The following PRKG1 variants were observed in gnomAD, a reference collection of about 807,000 sequenced individuals.
PRKG1 encodes the protein cGMP-dependent protein kinase 1.
PRKG1 carries 35 observed loss-of-function variants against 88.1 expected under a neutral mutation model. The observed-to-expected ratio is 0.40, with a 90% CI of 0.30 to 0.53. The LOEUF (loss-of-function observed/expected upper bound fraction) is 0.53, where lower values mean the gene tolerates loss of function less well. Among genes scored for constraint, PRKG1 ranks in the 20% least tolerant of loss-of-function variants. PRKG1 has a pLI of 0.59. For synonymous variants in PRKG1, 303 were observed against 292.5 expected (o/e 1.04, Z -0.37); for missense variants, 540 against 839.8 (o/e 0.64, Z 4.41).
chr10:51,952,055 A>G (rs1266177133), intron 5 of PRKG1, among the ~76,000 whole-genome samples: 1 of 152,188 alleles, frequency 6.6e-6, no homozygotes, highest in Non-Finnish European at 1.5e-5. Flanking sequence ...AGAGATGACT[A>G]TTTACAACAG....
chr10:52,040,049 A>G (rs894347349), intron 5 of PRKG1, among the ~76,000 whole-genome samples: 8 of 152,148 alleles, frequency 5.3e-5, no homozygotes, highest in African/African-American at 1.9e-4. Flanking sequence ...CATGTAATTT[A>G]ATTCTCTCTT....
At chr10:51,545,210 T>C (rs925254459) in intron 3 of PRKG1, among the ~76,000 whole-genome samples, 3 of 152,038 alleles carry the variant, frequency 2.0e-5, no homozygotes, top group South Asian at 2.1e-4. Context: ...AATGTCATCC[T>C]CCCCTTCCCC....
chr10:51,723,855 T>C (rs1006474253), intron 3 of PRKG1, among the ~76,000 whole-genome samples: 3 of 152,222 alleles, frequency 2.0e-5, no homozygotes, highest in African/African-American at 7.2e-5. Flanking sequence ...AGTTGGATCA[T>C]GTTAGGTGAA....
chr10:51,451,172 T>C lies in PRKG1; in HGVS notation c.479-16551T>C, dbSNP rs190389765. Among the ~76,000 whole-genome samples, 225 of 152,010 alleles carry C rather than the reference T, an allele frequency of 1.5e-3. 1 individual carries two copies. Among genetic ancestry groups the C allele is most frequent in the Non-Finnish European group, 2.2e-3 (150 of 67,880 alleles). On this transcript the variant is annotated intron_variant, in intron 2 of 17. Transcript: ENST00000373980. ...ATAGGTGTTATTTCTATTTAACACA[T>C]TAAATAATAAGACCTAACAGTATGT...
chr10:51,322,119 C>T (rs951273107), intron 2 of PRKG1, among the ~76,000 whole-genome samples: 2 of 152,162 alleles, frequency 1.3e-5, no homozygotes, highest in African/African-American at 4.8e-5. Flanking sequence ...TTTCCACCTT[C>T]CCATTCCCAG....
chr10:52,003,666 T>C (rs996270480), intron 5 of PRKG1, among the ~76,000 whole-genome samples: 1 of 152,184 alleles, frequency 6.6e-6, no homozygotes, highest in African/African-American at 2.4e-5. Context: ...AATATCCGTC[T>C]GGGGAAGCTA....
intron 3 of PRKG1, among the ~76,000 whole-genome samples, chr10:51,660,237 A>G: frequency 6.6e-6 from 1 of 151,996 alleles, no homozygotes; most frequent in Non-Finnish European, 1.5e-5. Context: ...AATAATCATT[A>G]TCAGAATCAT....
At chr10:51,505,845 T>G (rs188191670) in intron 3 of PRKG1, among the ~76,000 whole-genome samples, 2,743 of 152,062 alleles carry the variant, frequency 0.018, 41 homozygotes, top group Non-Finnish European at 0.031. Context: ...ATTGCGTCTA[T>G]TTGATTCTTC....
At chr10:51,274,885 T>C (rs12217532) in intron 2 of PRKG1, among the ~76,000 whole-genome samples, 33,874 of 152,142 alleles carry the variant, frequency 0.22, 3,973 homozygotes, top group Admixed American at 0.36. Context: ...TACAAACACA[T>C]GGAGGATGGA....
intron 3 of PRKG1, chr10:51,695,890 A>G (rs1841278222): frequency 6.6e-6 from 1 of 152,166 alleles, no homozygotes; most frequent in Non-Finnish European, 1.5e-5. Flanking sequence ...GTAACTAGAT[A>G]TTGGTTTTTC....
intron 2 of PRKG1, among the ~76,000 whole-genome samples, chr10:51,387,042 A>G (rs915273314): frequency 2.0e-5 from 3 of 152,164 alleles, no homozygotes; most frequent in Non-Finnish European, 4.4e-5. Flanking sequence ...ATATTGGTCA[A>G]TGTGACTTTT....
chr10:51,459,497 G>GT (rs964634084), intron 2 of PRKG1, among the ~76,000 whole-genome samples: 2 of 151,960 alleles, frequency 1.3e-5, no homozygotes, highest in African/African-American at 4.8e-5. Context: ...GCTTCTCAAT[G>GT]TATTTTATTT....
intron 3 of PRKG1, among the ~76,000 whole-genome samples, chr10:51,760,090 G>C (rs1420760173): frequency 6.6e-6 from 1 of 152,146 alleles, no homozygotes; most frequent in Non-Finnish European, 1.5e-5. Flanking sequence ...GCAGAGCACA[G>C]TCTAAAAATG....
intron 3 of PRKG1, among the ~76,000 whole-genome samples, chr10:51,670,658 C>T (rs1163497767): frequency 1.4e-5 from 2 of 148,128 alleles, no homozygotes; most frequent in East Asian, 3.9e-4. Context: ...ATGGCGTGAA[C>T]CCGGGAGGCA....
chr10:51,014,381 G>GT (rs1843031323), intron 1 of PRKG1, among the ~76,000 whole-genome samples: 1 of 150,272 alleles, frequency 6.7e-6, no homozygotes, highest in South Asian at 2.1e-4. Flanking sequence ...ATCAGCCAAC[G>GT]TAAGATGGCT....
intron 3 of PRKG1, among the ~76,000 whole-genome samples, chr10:51,609,268 A>AC (rs1838843115): frequency 1.3e-5 from 2 of 152,140 alleles, no homozygotes; most frequent in Admixed American, 6.6e-5. Flanking sequence ...ACACTCACCC[A>AC]CCAGTCATTC....
intron 4 of PRKG1, among the ~76,000 whole-genome samples, chr10:51,867,391 A>T (rs1342942966): frequency 6.6e-6 from 1 of 152,168 alleles, no homozygotes; most frequent in Non-Finnish European, 1.5e-5. Context: ...ATTTAATAAA[A>T]ATCACTCTGA....
At chr10:51,435,453 CATAT>C (rs143893388) in intron 2 of PRKG1, among the ~76,000 whole-genome samples, 1 of 149,284 alleles carries the variant, frequency 6.7e-6, no homozygotes, top group African/African-American at 2.5e-5. Flanking sequence ...TGTCATATGA[CATAT>C]ATATATATAT....
intron 7 of PRKG1, among the ~76,000 whole-genome samples, chr10:52,090,653 G>GA (rs1190503809): frequency 2.0e-5 from 3 of 152,096 alleles, no homozygotes; most frequent in Non-Finnish European, 2.9e-5. Context: ...CAATATATTT[G>GA]TTAATTACCA....
Sources: gnomAD v4.1 joint callset for allele counts (sites outside exome capture counted in the v4.1 genomes callset) on GRCh38, gnomAD v4.1.1 for gene constraint, MANE v1.5 for transcripts, NCBI Gene and HGNC (gene_info 2026-07-23, HGNC 2026-07-21) for gene names.